The following CDCP1 variants were observed in gnomAD, a reference collection of about 807,000 sequenced individuals.
CDCP1 encodes the protein CUB domain containing protein 1, also known as CUB domain-containing protein 1.
In CDCP1, 29 loss-of-function variants were observed where a neutral mutation model predicts 60.2. The ratio of observed to expected loss-of-function variants is 0.48; its 90% CI spans 0.36 to 0.66. The LOEUF is 0.66. Ranked by LOEUF, CDCP1 falls within the 30% of genes least tolerant of loss-of-function variation. The probability of loss-of-function intolerance (pLI) is 0.00; values close to 1 mark genes in which losing one functional copy is unlikely to be tolerated. For synonymous variants in CDCP1, 387 were observed against 431.1 expected, an observed-to-expected ratio of 0.90 and a Z score of 1.27; for missense variants, 876 against 1,074.3, an observed-to-expected ratio of 0.82 and a Z score of 2.58.
At chr3:45,107,444 A>G (rs999612404) in intron 4 of CDCP1, among the ~76,000 whole-genome samples, 5 of 151,508 alleles carry the variant, frequency 3.3e-5, no homozygotes, top group African/African-American at 1.2e-4. Flanking sequence ...CTGACCTTAT[A>G]ATCTTCCCAC....
rs537738903 is a variant in CDCP1 at position 45,134,419 on chromosome 3, C to T, written c.82+11787G>A. 6.6e-5 allele frequency among the ~76,000 whole-genome samples: 10 copies of T among 152,346 alleles called. No individual in the cohort carries two copies. In the South Asian group the frequency reaches 8.3e-4, roughly 13 times the overall value. On this transcript the variant is annotated intron_variant, in intron 1 of 8. Transcript: ENST00000296129. ...GATTACAGGCGCGGGCCACCGCGCC[C>T]GGCCCAGATCTACTTCTTTCTTAAC...
At chr3:45,110,932 A>G in intron 3 of CDCP1, 91 bp from the exon 4 acceptor site, 1 of 1,413,124 alleles carries the variant, frequency 7.1e-7, no homozygotes. Flanking sequence ...GTGTAGGAAA[A>G]ATGACTGCAG....
chr3:45,145,936 G>A (rs1699376655), intron 1 of CDCP1, among the ~76,000 whole-genome samples: 1 of 151,938 alleles, frequency 6.6e-6, no homozygotes, highest in African/African-American at 2.4e-5. Context: ...CCCGGACCGG[G>A]AGGCTCCCCG....
chr3:45,124,920 C>T (rs1559398256), intron 1 of CDCP1, among the ~76,000 whole-genome samples: 1 of 152,090 alleles, frequency 6.6e-6, no homozygotes, highest in Admixed American at 6.5e-5. Context: ...GTGTTGAATT[C>T]ACACACATTG....
chr3:45,132,923 C>T (rs1287574532), intron 1 of CDCP1, among the ~76,000 whole-genome samples: 3 of 152,180 alleles, frequency 2.0e-5, no homozygotes, highest in Non-Finnish European at 4.4e-5. Flanking sequence ...GGATATCACT[C>T]GCCTGATTAG....
chr3:45,112,478 C>T, intron 2 of CDCP1, 33 bp from the exon 3 acceptor site: 1 of 1,594,316 alleles, frequency 6.3e-7, no homozygotes, highest in Non-Finnish European at 8.6e-7. Context: ...ATTTTGATCA[C>T]AGATGCTCCA....
intron 2 of CDCP1, among the ~76,000 whole-genome samples, chr3:45,117,585 T>A (rs1698813544): frequency 6.6e-6 from 1 of 151,116 alleles, no homozygotes; most frequent in African/African-American, 2.4e-5. Flanking sequence ...TCTATCTTTA[T>A]CTCCTCAACT....
At chr3:45,092,292 A>G (rs907693363) in intron 6 of CDCP1, among the ~76,000 whole-genome samples, 1 of 152,168 alleles carries the variant, frequency 6.6e-6, no homozygotes. Flanking sequence ...CGTAGCTACT[A>G]TATTCATCTA....
intron 4 of CDCP1, among the ~76,000 whole-genome samples, chr3:45,107,297 C>G (rs1698582627): frequency 6.6e-6 from 1 of 151,994 alleles, no homozygotes; most frequent in Non-Finnish European, 1.5e-5. Context: ...ACCTCCACCT[C>G]CCGGGTTCAA....
At chr3:45,126,100 G>T (rs1559398657) in intron 1 of CDCP1, among the ~76,000 whole-genome samples, 1 of 112,860 alleles carries the variant, frequency 8.9e-6, no homozygotes, top group African/African-American at 3.2e-5. Context: ...GCCATTCTTT[G>T]TCTCTCTCTC....
intron 1 of CDCP1, among the ~76,000 whole-genome samples, chr3:45,130,265 A>T (rs1026700420): frequency 6.6e-6 from 1 of 151,032 alleles, no homozygotes; most frequent in East Asian, 1.9e-4. Flanking sequence ...GGGACCTCAA[A>T]CGCATGCCAC....
At chr3:45,123,009 T>TA (rs1698913577) in intron 1 of CDCP1, among the ~76,000 whole-genome samples, 1 of 151,802 alleles carries the variant, frequency 6.6e-6, no homozygotes, top group African/African-American at 2.4e-5. Flanking sequence ...AGGGATTTTT[T>TA]TTTTTTTGGT....
intron 4 of CDCP1, among the ~76,000 whole-genome samples, chr3:45,103,028 G>A (rs1698506595): frequency 6.6e-6 from 1 of 151,790 alleles, no homozygotes; most frequent in South Asian, 2.1e-4. Context: ...TGTTCAGTGT[G>A]ATGAGTCTGT....
Position 45,112,179 on chromosome 3 carries a change from T to C in CDCP1, c.559A>G (p.Lys187Glu), listed in dbSNP as rs773129667. ...FCSNGTVSRI[K>E]MQEGVKMALH... ...GCCATTTTCACTCCTTCTTGCATCT[T>C]GATCCGGGACACAGTGCCATTGCTG... is the stretch of plus-strand genomic sequence containing the variant. Residue 187 changes from lysine to glutamate, a missense_variant, in exon 3 of 9, where the codon AAG becomes GAG. This residue lies in a region of CDCP1 where 726 missense variants were observed against 935.7 expected (regional missense o/e 0.78). Transcript: ENST00000296129. 8 of 1,614,190 alleles carry C rather than the reference T, an allele frequency of 5.0e-6. No homozygotes were observed. The highest frequency in any genetic ancestry group is 5.9e-6 in the Non-Finnish European group (7 of 1,180,030).
rs531283130 is a variant in CDCP1 at position 45,135,350 on chromosome 3, TG to T, written c.82+10855del. On this transcript the variant is annotated intron_variant, in intron 1 of 8. Transcript: ENST00000296129. ...TTCTTCCTGAAAGGGAGAGAGATTG[TG>T]GGGCAGAGCACTTTCTGCATTCCTT... 2.4e-4 allele frequency among the ~76,000 whole-genome samples: 37 copies of T among 151,122 alleles called. 1 individual carries two copies. The East Asian group carries it at 6.8e-3, about 28-fold the overall frequency.
At chr3:45,126,967 G>A (rs1243839795) in intron 1 of CDCP1, among the ~76,000 whole-genome samples, 10 of 152,170 alleles carry the variant, frequency 6.6e-5, no homozygotes, top group African/African-American at 1.2e-4. Context: ...GGTGCCCGGG[G>A]CATGATAAAT....
intron 1 of CDCP1, among the ~76,000 whole-genome samples, chr3:45,136,076 G>T (rs1351364082): frequency 6.6e-6 from 1 of 152,166 alleles, no homozygotes; most frequent in East Asian, 1.9e-4. Context: ...AGATGCACAA[G>T]GGGTCGCCAA....
Position 45,110,461 on chromosome 3 carries a change from G to C in CDCP1, c.1024+12C>G, listed in dbSNP as rs1271090082. 1 of 1,612,158 alleles carries C rather than the reference G, an allele frequency of 6.2e-7. No homozygotes were observed. Among genetic ancestry groups the C allele is most frequent in the African/African-American group, 1.3e-5 (1 of 74,870 alleles). ...TGGAGGAGGAAGAAAAAGGAAAGTGGGGCTCACTCACTGCTTTCATTTTGT... is the reference window on the plus strand; with the variant it reads ...TGGAGGAGGAAGAAAAAGGAAAGTGCGGCTCACTCACTGCTTTCATTTTGT... On this transcript the variant is annotated intron_variant, in intron 4 of 8. Coordinates refer to ENST00000296129, the MANE Select transcript of CDCP1 (RefSeq NM_022842.5).
chr3:45,087,833 C>T (rs1246190670), intron 8 of CDCP1, among the ~76,000 whole-genome samples: 2 of 152,114 alleles, frequency 1.3e-5, no homozygotes, highest in African/African-American at 2.4e-5. Flanking sequence ...TCCTGGCCAA[C>T]ATGGTGAAAC....
Sources: gnomAD v4.1 joint callset for allele counts (sites outside exome capture counted in the v4.1 genomes callset) on GRCh38, gnomAD v4.1.1 for gene constraint, gnomAD v4.1.1 regional missense constraint, MANE v1.5 for transcripts, NCBI Gene and HGNC (gene_info 2026-07-23, HGNC 2026-07-21) for gene names.